The following ADAMTS2 variants were observed in gnomAD, a reference collection of about 807,000 sequenced individuals.
ADAMTS2 encodes ADAM metallopeptidase with thrombospondin type 1 motif 2.
In ADAMTS2, 50 loss-of-function variants were observed where a neutral mutation model predicts 123.0. The ratio of observed to expected loss-of-function variants is 0.41; its 90% confidence interval spans 0.32 to 0.51. The LOEUF (loss-of-function observed/expected upper bound fraction) is 0.51. Ranked by LOEUF, ADAMTS2 falls within the 20% of genes least tolerant of loss-of-function variation. The probability of loss-of-function intolerance (pLI) is 0.35; values close to 1 mark genes in which losing one functional copy is unlikely to be tolerated. For synonymous variants in ADAMTS2, 678 were observed against 695.4 expected, an observed-to-expected ratio of 0.98 and a Z score of 0.39; for missense variants, 1,494 against 1,705.2, an observed-to-expected ratio of 0.88 and a Z score of 2.18.
chr5:179,344,805 A>T (rs1757893402), intron 1 of ADAMTS2, among the ~76,000 whole-genome samples: 1 of 151,898 alleles, frequency 6.6e-6, no homozygotes, highest in Admixed American at 6.6e-5. Context: ...TTAGGGCCCA[A>T]GGCTACGCGC....
Position 179,152,139 on chromosome 5 carries a change from C to T in ADAMTS2, c.1629+3G>A, listed in dbSNP as rs1763371436. ...CCTCCAAGAGCCCTTGATGCTGCCT[C>T]ACCTTGCCAGGTGCACACATAGTCC... On this transcript the variant is annotated splice_donor_region_variant and intron_variant, in intron 10 of 21. Transcript: ENST00000251582. 6.2e-7 allele frequency: 1 copy of T among 1,612,892 alleles called. No individual in the cohort carries two copies. The highest frequency in any genetic ancestry group is 1.3e-5 in the African/African-American group (1 of 74,898).
intron 17 of ADAMTS2, 68 bp downstream of exon 17, chr5:179,127,891 G>C: frequency 6.2e-7 from 1 of 1,600,460 alleles, no homozygotes; most frequent in Non-Finnish European, 8.5e-7. Context: ...CCCCACCCCA[G>C]GGATGCTCCC....
At chr5:179,258,112 G>C (rs1345417187) in intron 3 of ADAMTS2, among the ~76,000 whole-genome samples, 1 of 152,120 alleles carries the variant, frequency 6.6e-6, no homozygotes, top group Admixed American at 6.5e-5. Flanking sequence ...CATCCTGGGG[G>C]CTCTGGCCTT....
rs1756697205 is a variant in ADAMTS2, at chr5:179,307,130, C to A, written c.535-34066G>T. 6.6e-6 allele frequency among the ~76,000 whole-genome samples: 1 copy of A among 152,190 alleles called. No individual in the cohort carries two copies. The highest frequency in any genetic ancestry group is 1.5e-5 in the Non-Finnish European group (1 of 68,016). ...CAGTGGCCAGCCAGCCTAAGCCCGG[C>A]CCAGACCCTCGCCCTGCTAGCATGA... On this transcript the variant is annotated intron_variant, in intron 2 of 21. Transcript: ENST00000251582. This position sits in a 1 kb window ranked among gnomAD's most constrained non-coding sequence, Gnocchi z 5.6.
In ADAMTS2 at chr5:179,344,115, C is replaced by CA; in HGVS notation, c.185dup (p.Arg63AlafsTer3). The CA allele has an allele frequency of 6.2e-7, 1 of 1,608,132 alleles. No homozygotes were observed. The highest frequency in any genetic ancestry group is 8.5e-7 in the Non-Finnish European group (1 of 1,177,560). ...CCAAGCGGCCCTGGGCGTCAGTGCG[C>CA]ACGGGCACCGCCAGGATGCGCTCCG... On this transcript the variant is annotated frameshift_variant, in exon 2 of 22. Coordinates refer to ENST00000251582, the MANE Select transcript of ADAMTS2 (RefSeq NM_014244.5). LOFTEE classifies it high-confidence loss of function.
intron 10 of ADAMTS2, among the ~76,000 whole-genome samples, chr5:179,147,473 C>T (rs1386521983): frequency 1.3e-5 from 2 of 152,200 alleles, no homozygotes; most frequent in African/African-American, 4.8e-5. Flanking sequence ...GTTTAAAGTA[C>T]TCCATCTATA....
rs1175902780 is a variant in ADAMTS2, at chr5:179,118,862, G to C, written c.3178+2799C>G. Among the ~76,000 whole-genome samples the C allele has an allele frequency of 6.6e-6, 1 of 152,206 alleles. No homozygotes were observed. Among genetic ancestry groups the C allele is most frequent in the African/African-American group, 2.4e-5 (1 of 41,456 alleles). On this transcript the variant is annotated intron_variant, in intron 21 of 21. Coordinates refer to ENST00000251582, the MANE Select transcript of ADAMTS2 (RefSeq NM_014244.5). The surrounding 1 kb of genome is among the most constrained non-coding windows in gnomAD (Gnocchi z 4.5). The stretch of plus-strand genomic sequence containing the variant: ...TCACCATAAAGCATAAAGGGAACTA[G>C]GAAGGGACCGCTCAGTGCAGTGCAG...
At chr5:179,224,518 C>T (rs779274462) in intron 3 of ADAMTS2, among the ~76,000 whole-genome samples, 3 of 152,204 alleles carry the variant, frequency 2.0e-5, no homozygotes, top group Admixed American at 6.5e-5. Context: ...TTGGAGCATG[C>T]GGCCCTCTTG....
rs1399370922 is a variant in ADAMTS2 at position 179,197,822 on chromosome 5, C to T, written c.891+9691G>A. 6.6e-6 allele frequency among the ~76,000 whole-genome samples: 1 copy of T among 152,208 alleles called. No homozygotes were observed. Among genetic ancestry groups the T allele is most frequent in the Non-Finnish European group, 1.5e-5 (1 of 68,042 alleles). ...CCTGCAGAAGAGTCCCTGTCTGTAC[C>T]TGGGGACGAAACTTGAGGTGCCACA... On this transcript the variant is annotated intron_variant, in intron 4 of 21. Transcript: ENST00000251582. This position sits in a 1 kb window ranked among gnomAD's most constrained non-coding sequence, Gnocchi z 4.2.
At chr5:179,320,959 G>C (rs1757153013) in intron 2 of ADAMTS2, among the ~76,000 whole-genome samples, 1 of 152,182 alleles carries the variant, frequency 6.6e-6, no homozygotes, top group South Asian at 2.1e-4. Flanking sequence ...AAAGCCAAGG[G>C]TTGGGGATGT....
rs564530683 is a variant in ADAMTS2 at position 179,255,615 on chromosome 5, C to G, written c.688+17296G>C. On this transcript the variant is annotated intron_variant, in intron 3 of 21. Transcript: ENST00000251582. ...TCCCCTCACTTTCTGTCCCATCTCCCAAGACCTGGCTGGGGCCTGACTCAG... is the reference window on the plus strand; with the variant it reads ...TCCCCTCACTTTCTGTCCCATCTCCGAAGACCTGGCTGGGGCCTGACTCAG... Among the ~76,000 whole-genome samples the G allele has an allele frequency of 2.6e-5, 4 of 152,310 alleles. No individual in the cohort carries two copies. The South Asian group carries it at 8.3e-4, about 32-fold the overall frequency.
intron 10 of ADAMTS2, among the ~76,000 whole-genome samples, chr5:179,140,958 C>T (rs1175079535): frequency 6.7e-6 from 1 of 150,132 alleles, no homozygotes; most frequent in African/African-American, 2.5e-5. Flanking sequence ...CACCACCACC[C>T]CCAGCTAATT....
intron 2 of ADAMTS2, among the ~76,000 whole-genome samples, chr5:179,327,503 A>G (rs942144520): frequency 2.0e-5 from 3 of 152,194 alleles, no homozygotes; most frequent in Non-Finnish European, 4.4e-5. Flanking sequence ...GACACCTAAC[A>G]GACCACGAGG....
intron 10 of ADAMTS2, among the ~76,000 whole-genome samples, chr5:179,144,380 A>G (rs1175795653): frequency 6.6e-6 from 1 of 152,230 alleles, no homozygotes; most frequent in Non-Finnish European, 1.5e-5. Context: ...AATTCCTATC[A>G]AAATGCAGAC....
chr5:179,232,365 T>A (rs545308125), intron 3 of ADAMTS2, among the ~76,000 whole-genome samples: 28 of 152,346 alleles, frequency 1.8e-4, no homozygotes, highest in African/African-American at 6.5e-4. Context: ...TCGTCTATAG[T>A]TGCCCACTGA....
chr5:179,133,594 A>G (rs1221600259), intron 13 of ADAMTS2, among the ~76,000 whole-genome samples: 5 of 151,712 alleles, frequency 3.3e-5, no homozygotes, highest in African/African-American at 1.2e-4. Flanking sequence ...TTTAACAGAC[A>G]GAATCCAGTT....
At chr5:179,299,160 T>C (rs929259898) in intron 2 of ADAMTS2, among the ~76,000 whole-genome samples, 4 of 152,016 alleles carry the variant, frequency 2.6e-5, no homozygotes, top group Admixed American at 6.6e-5. Context: ...CTTCTGAGTG[T>C]GACATATATG....
intron 3 of ADAMTS2, among the ~76,000 whole-genome samples, chr5:179,258,862 T>C (rs1766138371): frequency 6.6e-6 from 1 of 151,560 alleles, no homozygotes; most frequent in African/African-American, 2.4e-5. Flanking sequence ...AGGCAAGGAG[T>C]ATCCCCCTCT....
rs553209960 is a variant in ADAMTS2, at chr5:179,254,044, C to T, written c.688+18867G>A. ...GCACAAGGCCACTTCAGTGTCAACA[C>T]GGATCTCACTGCAGGAACTAGGAGG... On this transcript the variant is annotated intron_variant, in intron 3 of 21. Transcript: ENST00000251582. Among the ~76,000 whole-genome samples the T allele has an allele frequency of 4.6e-5, 7 of 152,314 alleles. No individual in the cohort carries two copies. The East Asian group carries it at 9.7e-4, about 21-fold the overall frequency.
Sources: gnomAD v4.1 joint callset for allele counts (sites outside exome capture counted in the v4.1 genomes callset) on GRCh38, gnomAD v4.1.1 for gene constraint, Gnocchi (gnomAD v3.1) non-coding constraint, MANE v1.5 for transcripts, NCBI Gene and HGNC (gene_info 2026-07-23, HGNC 2026-07-21) for gene names.